CTNNA2: variants seen among roughly 807,000 people sequenced by gnomAD.
CTNNA2 encodes the protein catenin alpha 2, also known as catenin alpha-2.
In CTNNA2, 42 loss-of-function variants were observed where a neutral mutation model predicts 101.0. The ratio of observed to expected loss-of-function variants is 0.42; its 90% confidence interval spans 0.32 to 0.54. The LOEUF (loss-of-function observed/expected upper bound fraction) is 0.54, where lower values mean the gene tolerates loss of function less well. Ranked by LOEUF, CTNNA2 falls within the 20% of genes least tolerant of loss-of-function variation. CTNNA2 has a pLI of 0.14. For missense variants in CTNNA2, 871 were observed against 1,223.1 expected (o/e 0.71, Z 4.29); for synonymous variants, 450 against 456.4 (o/e 0.99, Z 0.18).
intron 4 of CTNNA2, among the ~76,000 whole-genome samples, chr2:79,375,085 T>A (rs1677952325): frequency 6.6e-6 from 1 of 152,182 alleles, no homozygotes; most frequent in Non-Finnish European, 1.5e-5. Context: ...GCCCGTAAAT[T>A]GTTTGTTGTT....
Position 80,648,023 on chromosome 2 carries a change from A to T in CTNNA2, c.*151A>T. The stretch of plus-strand genomic sequence containing the variant: ...GTCTGTTTGCATGTAAGATGAGATG[A>T]GATCAATACTACTGATCCATCTGTA... On this transcript the variant is annotated 3_prime_UTR_variant, in exon 19 of 19. Transcript: ENST00000402739. 1.5e-6 allele frequency: 1 copy of T among 679,054 alleles called. No individual in the cohort carries two copies. Among genetic ancestry groups the T allele is most frequent in the East Asian group, 2.8e-5 (1 of 35,724 alleles). 42.1% of individuals were successfully genotyped at this position (679,054 alleles called of 1,614,324 possible). A position where few individuals can be genotyped will look rare whatever the true frequency, so the allele number is the denominator to read the frequency against.
At chr2:79,493,665 C>G (rs1329539854) in intron 4 of CTNNA2, 2 of 152,330 alleles carry the variant, frequency 1.3e-5, no homozygotes, top group Non-Finnish European at 1.5e-5. Context: ...TTGATTTCCT[C>G]CAGTATGTCA....
intron 7 of CTNNA2, among the ~76,000 whole-genome samples, chr2:80,001,997 C>A (rs1277654918): frequency 6.6e-6 from 1 of 152,182 alleles, no homozygotes; most frequent in Non-Finnish European, 1.5e-5. Context: ...CCTCTCTGTA[C>A]TTCCAAGTTA....
intron 2 of CTNNA2, among the ~76,000 whole-genome samples, chr2:79,720,201 G>GT (rs1686389261): frequency 6.6e-6 from 1 of 152,080 alleles, no homozygotes; most frequent in Non-Finnish European, 1.5e-5. Context: ...TCAGATGATT[G>GT]TAAGTGTGCC....
At chr2:80,093,290 T>A (rs565416986) in intron 7 of CTNNA2, among the ~76,000 whole-genome samples, 99 of 152,258 alleles carry the variant, frequency 6.5e-4, no homozygotes, top group Non-Finnish European at 1.2e-3. Flanking sequence ...TTGCTGAGAA[T>A]GATGGTTTCC....
At chr2:79,444,140 G>T (rs1678806042) in intron 4 of CTNNA2, among the ~76,000 whole-genome samples, 1 of 152,028 alleles carries the variant, frequency 6.6e-6, no homozygotes, top group African/African-American at 2.4e-5. Context: ...AATCTTGTTT[G>T]CAGCCTGGTG....
At chr2:79,923,553 A>T (rs73938417) in intron 7 of CTNNA2, among the ~76,000 whole-genome samples, 3,529 of 152,280 alleles carry the variant, frequency 0.023, 158 homozygotes, top group African/African-American at 0.082. Context: ...TTAACATATC[A>T]ATCACCTTAC....
chr2:79,781,213 C>T (rs983829483), intron 3 of CTNNA2, among the ~76,000 whole-genome samples: 7 of 152,140 alleles, frequency 4.6e-5, no homozygotes, highest in South Asian at 4.1e-4. Flanking sequence ...AAATTCCTGA[C>T]GTTGCCATGG....
At chr2:80,108,445 C>G (rs970700721) in intron 7 of CTNNA2, among the ~76,000 whole-genome samples, 3 of 152,166 alleles carry the variant, frequency 2.0e-5, no homozygotes, top group African/African-American at 7.2e-5. Context: ...ACAGCAATGG[C>G]AAATAGCTAT....
chr2:80,602,237 C>T (rs558221008), intron 15 of CTNNA2, among the ~76,000 whole-genome samples: 1 of 151,978 alleles, frequency 6.6e-6, no homozygotes, highest in Non-Finnish European at 1.5e-5. Context: ...ACTGTAGTCT[C>T]CGGTGTAATC....
chr2:79,875,512 A>G (rs1481948926), intron 6 of CTNNA2, among the ~76,000 whole-genome samples: 1 of 152,162 alleles, frequency 6.6e-6, no homozygotes, highest in Non-Finnish European at 1.5e-5. Flanking sequence ...GAATATGTTG[A>G]TGTGAATTTT....
intron 7 of CTNNA2, among the ~76,000 whole-genome samples, chr2:80,380,420 G>A (rs1676414260): frequency 6.6e-6 from 1 of 152,124 alleles, no homozygotes; most frequent in Admixed American, 6.5e-5. Context: ...TCAGCCTCCC[G>A]CAAGGGCTCT....
rs1025750986 is a variant in CTNNA2 at position 80,420,061 on chromosome 2, A to C, written c.1290+460A>C. On this transcript the variant is annotated intron_variant, in intron 9 of 18. Coordinates refer to ENST00000402739, the MANE Select transcript of CTNNA2 (RefSeq NM_001282597.3). ...AAAAAAAAAAAAAAAAAAAAAAAAA[A>C]AACCCACCTTCCCCAAAGAGATGTT... Among the ~76,000 whole-genome samples the C allele has an allele frequency of 2.9e-3, 425 of 147,846 alleles. 4 individuals carry two copies. Among genetic ancestry groups the C allele is most frequent in the African/African-American group, 0.01 (402 of 38,482 alleles).
chr2:79,885,431 T>C (rs1351642887), intron 6 of CTNNA2, among the ~76,000 whole-genome samples: 2 of 152,220 alleles, frequency 1.3e-5, no homozygotes, highest in Non-Finnish European at 2.9e-5. Context: ...GACTGGCTCA[T>C]GGATTCTTAA....
chr2:80,057,190 T>TA (rs1697273202), intron 7 of CTNNA2, among the ~76,000 whole-genome samples: 1 of 151,446 alleles, frequency 6.6e-6, no homozygotes, highest in Non-Finnish European at 1.5e-5. Flanking sequence ...TTTTTTTTTT[T>TA]AAGGAAGACT....
chr2:79,924,604 C>A (rs902434272), intron 7 of CTNNA2, among the ~76,000 whole-genome samples: 2 of 152,110 alleles, frequency 1.3e-5, no homozygotes, highest in East Asian at 1.9e-4. Context: ...TCGCTACGTT[C>A]AGGGGCTATA....
At position 80,574,953 on chromosome 2, in the gene CTNNA2, G is replaced by A. The variant is rs1268057712; in HGVS notation, c.1893+639G>A. 2.0e-5 allele frequency among the ~76,000 whole-genome samples: 3 copies of A among 152,106 alleles called. No individual in the cohort carries two copies. In the East Asian group the frequency reaches 5.8e-4, roughly 29 times the overall value. On this transcript the variant is annotated intron_variant, in intron 13 of 18. Transcript: ENST00000402739. ...TGTAGTTGATTTAAAAACTCATACAGCATCATTTGCAACTTTTTGTTCACC... is the reference window on the plus strand; with the variant it reads ...TGTAGTTGATTTAAAAACTCATACAACATCATTTGCAACTTTTTGTTCACC...
chr2:80,522,563 G>C (rs1212126572), intron 9 of CTNNA2, among the ~76,000 whole-genome samples: 1 of 152,020 alleles, frequency 6.6e-6, no homozygotes, highest in Non-Finnish European at 1.5e-5. Flanking sequence ...GGAGATTTTT[G>C]TCCCCGCCCA....
intron 9 of CTNNA2, among the ~76,000 whole-genome samples, chr2:80,536,400 A>G (rs1051374223): frequency 6.6e-6 from 1 of 152,148 alleles, no homozygotes; most frequent in African/African-American, 2.4e-5. Flanking sequence ...TGATGATGAA[A>G]TATTAACATG....
Sources: gnomAD v4.1 joint callset for allele counts (sites outside exome capture counted in the v4.1 genomes callset) on GRCh38, gnomAD v4.1.1 for gene constraint, MANE v1.5 for transcripts, NCBI Gene and HGNC (gene_info 2026-07-23, HGNC 2026-07-21) for gene names.